CSMD1: variants seen among roughly 807,000 people sequenced by gnomAD.
CSMD1 encodes the protein CUB and Sushi multiple domains 1.
Under a neutral mutation model 417.5 loss-of-function variants are expected in CSMD1, and 213 were observed. The observed-to-expected ratio is 0.51, with a 90% CI of 0.46 to 0.57. The LOEUF is 0.57. Ranked by LOEUF, CSMD1 falls within the 20% of genes least tolerant of loss-of-function variation. CSMD1 has a pLI of 0.00. For missense variants in CSMD1, 6,923 were observed against 4,529.7 expected (o/e 1.53, Z -15.17); for synonymous variants, 2,862 against 1,736.8 (o/e 1.65, Z -16.11).
At chr8:3,352,560 C>G (rs1195353813) in intron 21 of CSMD1, among the ~76,000 whole-genome samples, 2 of 152,152 alleles carry the variant, frequency 1.3e-5, no homozygotes, top group Non-Finnish European at 2.9e-5. Flanking sequence ...ACATCATTGG[C>G]TGGGCGCGGT....
intron 3 of CSMD1, among the ~76,000 whole-genome samples, chr8:4,113,872 C>T (rs980533212): frequency 6.6e-6 from 1 of 152,136 alleles, no homozygotes; most frequent in African/African-American, 2.4e-5. Flanking sequence ...TCTATGAAGG[C>T]TGAGAGAGGT....
intron 2 of CSMD1, among the ~76,000 whole-genome samples, chr8:4,455,623 G>C (rs187416285): frequency 6.6e-6 from 1 of 151,820 alleles, no homozygotes; most frequent in Admixed American, 6.6e-5. Context: ...TTCTCTTTCA[G>C]GAGGAAAAAC....
intron 3 of CSMD1, among the ~76,000 whole-genome samples, chr8:4,089,090 A>G (rs1201420896): frequency 6.6e-6 from 1 of 152,214 alleles, no homozygotes; most frequent in Non-Finnish European, 1.5e-5. Context: ...AGTACCATGT[A>G]GGATTCAGGA....
intron 3 of CSMD1, among the ~76,000 whole-genome samples, chr8:4,117,434 C>A (rs1802219664): frequency 6.6e-6 from 1 of 152,194 alleles, no homozygotes; most frequent in Non-Finnish European, 1.5e-5. Context: ...ACAAGCAGGA[C>A]CGCATGCTGC....
chr8:3,148,506 C>T (rs1399860312), intron 40 of CSMD1, among the ~76,000 whole-genome samples: 1 of 152,276 alleles, frequency 6.6e-6, no homozygotes, highest in East Asian at 1.9e-4. Flanking sequence ...CATTTGAAAA[C>T]AAGACTCATG....
At chr8:4,426,056 G>T (rs567489129) in intron 2 of CSMD1, among the ~76,000 whole-genome samples, 76 of 145,316 alleles carry the variant, frequency 5.2e-4, no homozygotes, top group African/African-American at 1.9e-3. Context: ...TTTTACTGAA[G>T]AAAACTGGCC....
chr8:4,529,879 T>C (rs1182355115), intron 2 of CSMD1, among the ~76,000 whole-genome samples: 1 of 137,732 alleles, frequency 7.3e-6, no homozygotes, highest in East Asian at 2.0e-4. Context: ...CATTGTTTTT[T>C]TTTTTTAAAT....
At chr8:3,761,941 C>T (rs1276703180) in intron 5 of CSMD1, among the ~76,000 whole-genome samples, 2 of 152,148 alleles carry the variant, frequency 1.3e-5, no homozygotes, top group Non-Finnish European at 2.9e-5. Flanking sequence ...CTCTCTGAGG[C>T]ACCATCATGC....
intron 37 of CSMD1, among the ~76,000 whole-genome samples, chr8:3,175,581 C>G (rs1251521882): frequency 6.9e-6 from 1 of 145,914 alleles, no homozygotes; most frequent in Non-Finnish European, 1.5e-5. Context: ...TCCTTCCTTC[C>G]TTTTTGTCCT....
In CSMD1 at chr8:3,482,450, G is replaced by T. The variant is rs1817802618; in HGVS notation, c.1448+11173C>A. Among the ~76,000 whole-genome samples, 8 of 152,202 alleles carry T rather than the reference G, an allele frequency of 5.3e-5. 1 individual carries two copies. In the South Asian group the frequency reaches 1.7e-3, roughly 32 times the overall value. On this transcript the variant is annotated intron_variant, in intron 11 of 69. Transcript: ENST00000635120. ...GAGGGACACCACAAAATAATAAAAG[G>T]ATTGACCCACCAGAAATATGTAACA...
At chr8:4,469,780 G>T (rs1466577912) in intron 2 of CSMD1, among the ~76,000 whole-genome samples, 1 of 152,042 alleles carries the variant, frequency 6.6e-6, no homozygotes, top group South Asian at 2.1e-4. Context: ...CCAGGCGACA[G>T]CACTCCTCTG....
chr8:3,652,218 C>T (rs796621441), intron 7 of CSMD1, among the ~76,000 whole-genome samples: 2 of 150,658 alleles, frequency 1.3e-5, no homozygotes, highest in African/African-American at 2.4e-5. Flanking sequence ...ACCATCAGAG[C>T]GCCATCACCA....
intron 22 of CSMD1, among the ~76,000 whole-genome samples, chr8:3,345,183 G>A (rs375495512): frequency 1.6e-4 from 25 of 152,282 alleles, no homozygotes; most frequent in Admixed American, 6.5e-4. Flanking sequence ...AGGTTCATCC[G>A]CTCTCCTGAA....
chr8:4,093,702 T>G (rs1486325321), intron 3 of CSMD1, among the ~76,000 whole-genome samples: 1 of 152,166 alleles, frequency 6.6e-6, no homozygotes, highest in Non-Finnish European at 1.5e-5. Flanking sequence ...GGCTCACAAC[T>G]GTAATTTCGG....
At chr8:4,939,781 T>C (rs34907197) in intron 1 of CSMD1, among the ~76,000 whole-genome samples, 10,390 of 152,174 alleles carry the variant, frequency 0.068, 472 homozygotes, top group Non-Finnish European at 0.11. Flanking sequence ...TTGAAAACTG[T>C]TAATAGAGTC....
chr8:4,730,962 G>A (rs1410843558), intron 1 of CSMD1, among the ~76,000 whole-genome samples: 1 of 152,030 alleles, frequency 6.6e-6, no homozygotes, highest in African/African-American at 2.4e-5. Flanking sequence ...CTATTGGGGT[G>A]ATTTTACTCA....
At chr8:4,224,462 G>C (rs188167978) in intron 3 of CSMD1, among the ~76,000 whole-genome samples, 1 of 152,238 alleles carries the variant, frequency 6.6e-6, no homozygotes, top group Non-Finnish European at 1.5e-5. Context: ...CCAGGTTGGG[G>C]AATAGTTGCT....
chr8:3,894,809 T>C (rs536132019), intron 5 of CSMD1, among the ~76,000 whole-genome samples: 3 of 152,354 alleles, frequency 2.0e-5, no homozygotes, highest in African/African-American at 4.8e-5. Context: ...TTAGGTGCTC[T>C]AATTCAAATT....
chr8:3,368,224 G>A (rs910908436), intron 19 of CSMD1, among the ~76,000 whole-genome samples: 1 of 152,134 alleles, frequency 6.6e-6, no homozygotes, highest in Non-Finnish European at 1.5e-5. Flanking sequence ...GCAGCATAGT[G>A]CCACACAGTA....
Sources: allele counts gnomAD v4.1 joint callset (sites outside exome capture counted in the v4.1 genomes callset), GRCh38; gene constraint gnomAD v4.1.1; transcripts MANE v1.5; gene names NCBI Gene and HGNC (gene_info 2026-07-23, HGNC 2026-07-21).